PDS5B: variants seen among roughly 807,000 people sequenced by gnomAD.
The protein encoded by PDS5B is PDS5 cohesin associated factor B.
In PDS5B, 51 loss-of-function variants were observed where a neutral mutation model predicts 184.1. The ratio of observed to expected loss-of-function variants is 0.28; its 90% CI spans 0.22 to 0.35. The LOEUF (loss-of-function observed/expected upper bound fraction) is 0.35. Ranked by LOEUF, PDS5B falls within the 10% of genes least tolerant of loss-of-function variation. The probability of loss-of-function intolerance (pLI) is 1.00; values close to 1 mark genes in which losing one functional copy is unlikely to be tolerated. For synonymous variants in PDS5B, 566 were observed against 569.2 expected (o/e 0.99, Z 0.08); for missense variants, 1,180 against 1,723.3 (o/e 0.68, Z 5.58).
intron 1 of PDS5B, among the ~76,000 whole-genome samples, chr13:32,626,703 A>C (rs1450181373): frequency 2.6e-5 from 4 of 152,144 alleles, no homozygotes; most frequent in African/African-American, 9.7e-5. Context: ...ATCTCTTATA[A>C]ATGTACAGTG....
At chr13:32,679,886 T>A (rs1305774573) in intron 10 of PDS5B, among the ~76,000 whole-genome samples, 2 of 51,918 alleles carry the variant, frequency 3.9e-5, no homozygotes, top group Non-Finnish European at 6.4e-5. Flanking sequence ...CGTCTGTGAG[T>A]GTGTGTGTGT....
chr13:32,673,257 C>T lies in PDS5B; in HGVS notation c.747C>T (p.Ser249=), dbSNP rs1178092959. 4 of 1,613,002 alleles carry T rather than the reference C, an allele frequency of 2.5e-6. No individual in the cohort carries two copies. The highest frequency in any genetic ancestry group is 2.2e-5 in the South Asian group (2 of 91,020). The part of the protein sequence containing the change: ...QVLMLGKTSI[S]DLSEHVFDLI... ...TGATGCTTGGGAAAACATCTATCAG[C>T]GATTTGTCAGAGCATGTCTTTGACT... Residue 249 remains serine, a synonymous_variant, in exon 8 of 35, where the codon AGC becomes AGT. Coordinates refer to ENST00000315596, the MANE Select transcript of PDS5B (RefSeq NM_015032.4).
At chr13:32,668,225 CAAG>C (rs1593381476) in intron 7 of PDS5B, among the ~76,000 whole-genome samples, 2 of 152,102 alleles carry the variant, frequency 1.3e-5, no homozygotes, top group African/African-American at 2.4e-5. Context: ...TTGATTTGTA[CAAG>C]AAGAAGATAT....
chr13:32,652,260 T>A (rs1190880401), intron 3 of PDS5B: 1 of 319,004 alleles, frequency 3.1e-6, no homozygotes, highest in Non-Finnish European at 5.7e-6. Flanking sequence ...TCTGTTTCTT[T>A]CATTATAATT....
At chr13:32,721,333 G>A (rs930464396) in intron 19 of PDS5B, among the ~76,000 whole-genome samples, 8 of 151,368 alleles carry the variant, frequency 5.3e-5, no homozygotes, top group Admixed American at 6.6e-5. Context: ...CAGACGGGGC[G>A]GCTGCCGGGC....
intron 1 of PDS5B, among the ~76,000 whole-genome samples, chr13:32,628,729 T>C (rs1194815505): frequency 1.3e-5 from 2 of 152,192 alleles, no homozygotes; most frequent in African/African-American, 4.8e-5. Context: ...TTGAGTATAA[T>C]GCCTTTCCCA....
At chr13:32,712,984 G>T (rs993635863) in intron 19 of PDS5B, among the ~76,000 whole-genome samples, 1 of 152,202 alleles carries the variant, frequency 6.6e-6, no homozygotes, top group African/African-American at 2.4e-5. Flanking sequence ...GAGTTCCATT[G>T]TGTCTCAGCT....
intron 6 of PDS5B, among the ~76,000 whole-genome samples, chr13:32,665,158 A>T (rs368140203): frequency 5.9e-5 from 9 of 152,342 alleles, no homozygotes; most frequent in African/African-American, 2.2e-4. Flanking sequence ...GAAATTATTT[A>T]ATGAATGGTT....
intron 31 of PDS5B, 150 bp downstream of exon 31, chr13:32,764,744 C>T (rs1954530050): frequency 2.2e-6 from 1 of 462,674 alleles, no homozygotes; most frequent in South Asian, 4.2e-5. Flanking sequence ...TTATAATTAT[C>T]CTCTATGTAA....
chr13:32,733,007 A>AT (rs1401527185), intron 20 of PDS5B, among the ~76,000 whole-genome samples: 3 of 152,178 alleles, frequency 2.0e-5, no homozygotes, highest in Non-Finnish European at 4.4e-5. Flanking sequence ...GAAAAGTAGT[A>AT]TATCCTCCAA....
At chr13:32,613,476 T>C (rs2058172214) in intron 1 of PDS5B, among the ~76,000 whole-genome samples, 1 of 152,252 alleles carries the variant, frequency 6.6e-6, no homozygotes, top group South Asian at 2.1e-4. Flanking sequence ...TAATTTGCAT[T>C]TCCTGATGAT....
rs1415308161 is a variant in PDS5B, at chr13:32,648,835, A to G, written c.63A>G (p.Glu21=). ...TTACATATCCGCCTGGGGTCAAGGA[A>G]ATATCAGATAAAATATCTAAAGAGG... The part of the protein sequence containing the change: ...GKITYPPGVK[E]ISDKISKEEM... The change falls in exon 2 of 35, where the codon GAA becomes GAG. Residue 21 remains glutamate, a synonymous_variant. Transcript: ENST00000315596. 1.3e-6 allele frequency: 2 copies of G among 1,552,354 alleles called. No individual in the cohort carries two copies. The highest frequency in any genetic ancestry group is 8.9e-7 in the Non-Finnish European group (1 of 1,123,794).
chr13:32,681,045 A>G (rs1951223925), intron 10 of PDS5B, among the ~76,000 whole-genome samples: 1 of 152,192 alleles, frequency 6.6e-6, no homozygotes, highest in Non-Finnish European at 1.5e-5. Flanking sequence ...ACTGAGTAGG[A>G]GAGAGGCAGT....
chr13:32,697,802 C>T (rs945938031), intron 15 of PDS5B, among the ~76,000 whole-genome samples: 2 of 152,158 alleles, frequency 1.3e-5, no homozygotes, highest in African/African-American at 4.8e-5. Flanking sequence ...TCTTGACCTC[C>T]TGGGCTCAAG....
intron 1 of PDS5B, among the ~76,000 whole-genome samples, chr13:32,631,723 T>C (rs1449441290): frequency 6.6e-6 from 1 of 152,178 alleles, no homozygotes; most frequent in Non-Finnish European, 1.5e-5. Context: ...GGATATAGTA[T>C]AGGCCAGGAA....
intron 22 of PDS5B, among the ~76,000 whole-genome samples, chr13:32,741,717 G>A (rs1953564034): frequency 6.6e-6 from 1 of 150,982 alleles, no homozygotes. Context: ...GTGTGTGTGT[G>A]TGTGTGTGTG....
At position 32,765,790 on chromosome 13, in the gene PDS5B, C is replaced by T. The variant is rs540427535; in HGVS notation, c.3624+1196C>T. On this transcript the variant is annotated intron_variant, in intron 31 of 34. Transcript: ENST00000315596. ...AGCCAATTTTTGTATTTTTTAAAGGCGGGGTTTCACCATGTTGGCCAGGCT... is the reference window on the plus strand; with the variant it reads ...AGCCAATTTTTGTATTTTTTAAAGGTGGGGTTTCACCATGTTGGCCAGGCT... Among the ~76,000 whole-genome samples, 380 of 152,222 alleles carry T rather than the reference C, an allele frequency of 2.5e-3. 2 individuals carry two copies. Among genetic ancestry groups the T allele is most frequent in the African/African-American group, 8.2e-3 (342 of 41,534 alleles).
At chr13:32,684,177 G>GT (rs1335520717) in intron 11 of PDS5B, among the ~76,000 whole-genome samples, 154 bp downstream of exon 11, 1 of 151,976 alleles carries the variant, frequency 6.6e-6, no homozygotes, top group Non-Finnish European at 1.5e-5. Context: ...CCTTTATGAG[G>GT]TTTACTTTCT....
At chr13:32,666,500 G>A (rs1441239702) in intron 6 of PDS5B, among the ~76,000 whole-genome samples, 1 of 152,084 alleles carries the variant, frequency 6.6e-6, no homozygotes, top group Admixed American at 6.6e-5. Context: ...TATTTGAGGT[G>A]ATGGATATGT....
Sources: gnomAD v4.1 joint callset for allele counts (sites outside exome capture counted in the v4.1 genomes callset) on GRCh38, gnomAD v4.1.1 for gene constraint, MANE v1.5 for transcripts, NCBI Gene and HGNC (gene_info 2026-07-23, HGNC 2026-07-21) for gene names.